ANK2: variants seen among roughly 807,000 people sequenced by gnomAD.
ANK2 encodes the protein ankyrin 2, also known as ankyrin-2.
A neutral mutation model predicts 360.5 loss-of-function variants in ANK2; 83 were observed. The ratio of observed to expected loss-of-function variants is 0.23; its 90% confidence interval spans 0.19 to 0.28. The LOEUF (loss-of-function observed/expected upper bound fraction) is 0.28, where lower values mean the gene tolerates loss of function less well. Among genes scored for constraint, ANK2 ranks in the 10% least tolerant of loss-of-function variants. ANK2 has a pLI of 1.00. For missense variants in ANK2, 4,201 were observed against 4,795.7 expected (o/e 0.88, Z 3.66); for synonymous variants, 1,740 against 1,759.5 (o/e 0.99, Z 0.28).
At chr4:113,135,908 A>G (rs73841237) in intron 1 of ANK2, among the ~76,000 whole-genome samples, 6,441 of 152,240 alleles carry the variant, frequency 0.042, 445 homozygotes, top group African/African-American at 0.14. Context: ...TGGATAAATG[A>G]CTGCAGATTG....
intron 1 of ANK2, among the ~76,000 whole-genome samples, chr4:112,873,029 T>C (rs1580202645): frequency 6.6e-6 from 1 of 152,296 alleles, no homozygotes; most frequent in East Asian, 1.9e-4. Context: ...TGTTTACTTA[T>C]AATCCATTTT....
At chr4:112,904,468 A>G (rs1437187144) in exon 2 of ANK2, 3 of 1,487,916 alleles carry the variant, frequency 2.0e-6, no homozygotes, top group Non-Finnish European at 1.8e-6. Context: ...AGTAATGAAA[A>G]GAGACATGAA....
chr4:113,279,475 G>A (rs1267103374), intron 17 of ANK2, among the ~76,000 whole-genome samples: 2 of 151,920 alleles, frequency 1.3e-5, no homozygotes, highest in Non-Finnish European at 1.5e-5. Flanking sequence ...ATAAGTGTTA[G>A]AGCTTGTACC....
chr4:113,285,375 C>G (rs976244630), intron 18 of ANK2, among the ~76,000 whole-genome samples: 1 of 152,184 alleles, frequency 6.6e-6, no homozygotes, highest in Non-Finnish European at 1.5e-5. Flanking sequence ...GCCCTCTGCA[C>G]AGACACCAAT....
the ANK2 span, among the ~76,000 whole-genome samples, chr4:112,785,292 TC>T: frequency 1.3e-5 from 2 of 152,218 alleles, no homozygotes; most frequent in Admixed American, 1.3e-4. Flanking sequence ...TAACAACCCT[TC>T]CAATGACCCT....
chr4:113,126,345 A>G (rs2095658384), intron 1 of ANK2, among the ~76,000 whole-genome samples: 1 of 152,242 alleles, frequency 6.6e-6, no homozygotes, highest in Non-Finnish European at 1.5e-5. Flanking sequence ...TGTACAGCTT[A>G]GTGAAAATAA....
At chr4:113,296,116 C>A (rs568690105) in intron 22 of ANK2, among the ~76,000 whole-genome samples, 1 of 152,176 alleles carries the variant, frequency 6.6e-6, no homozygotes, top group East Asian at 1.9e-4. Flanking sequence ...TTTTAAAGCC[C>A]ATGTTCTTAA....
In ANK2 at chr4:113,318,629, A is replaced by G. The variant is rs781245468; in HGVS notation, c.2900+9A>G. On this transcript the variant is annotated intron_variant, in intron 26 of 45. Transcript: ENST00000357077. Reference sequence around the variant, plus strand: ...AGTCCTATTCATTCAGGGTGAGTAAATCAATATTATGTATCCTGATCAAGA... The same window carrying G: ...AGTCCTATTCATTCAGGGTGAGTAAGTCAATATTATGTATCCTGATCAAGA... 1.3e-6 allele frequency: 2 copies of G among 1,591,384 alleles called. No homozygotes were observed. Among genetic ancestry groups the G allele is most frequent in the South Asian group, 2.2e-5 (2 of 89,434 alleles).
rs144919277 is a variant in ANK2, at chr4:113,299,502, C to T, written c.2476-3265C>T. The stretch of plus-strand genomic sequence containing the variant: ...GGTGGATCACCTGACGTCAAGTGTT[C>T]GAGACCAGCCAGGCCAACATGGTGA... On this transcript the variant is annotated intron_variant, in intron 22 of 45. Coordinates refer to ENST00000357077, the MANE Select transcript of ANK2 (RefSeq NM_001148.6). Among the ~76,000 whole-genome samples the T allele has an allele frequency of 1.1e-3, 161 of 152,108 alleles. 2 individuals carry two copies. The East Asian group carries it at 0.02, about 19-fold the overall frequency.
intron 2 of ANK2, among the ~76,000 whole-genome samples, chr4:113,191,619 G>A (rs1196187083): frequency 6.6e-6 from 1 of 152,196 alleles, no homozygotes; most frequent in Non-Finnish European, 1.5e-5. Flanking sequence ...AACATTGGCA[G>A]GGCTGTGGAT....
At chr4:113,221,116 G>A (rs1488290701) in intron 4 of ANK2, among the ~76,000 whole-genome samples, 1 of 152,142 alleles carries the variant, frequency 6.6e-6, no homozygotes, top group Admixed American at 6.5e-5. Flanking sequence ...ACAGAGGACT[G>A]GAGCCAGGCA....
intron 1 of ANK2, among the ~76,000 whole-genome samples, chr4:112,821,795 G>T (rs1407829163): frequency 3.4e-5 from 5 of 147,320 alleles, no homozygotes; most frequent in Non-Finnish European, 7.5e-5. Context: ...TTGAGAAAGG[G>T]TCTGTCTGTC....
chr4:113,021,621 A>C (rs187921357), intron 2 of ANK2, among the ~76,000 whole-genome samples: 7 of 145,420 alleles, frequency 4.8e-5, no homozygotes, highest in African/African-American at 1.8e-4. Flanking sequence ...CTGAGCCCCG[A>C]CACTGTCTTT....
At chr4:112,943,493 T>C (rs2094365668) in intron 2 of ANK2, among the ~76,000 whole-genome samples, 1 of 152,060 alleles carries the variant, frequency 6.6e-6, no homozygotes, top group Admixed American at 6.6e-5. Context: ...GTTAATTTTC[T>C]CTGTGGCTGT....
chr4:112,863,535 T>TC (rs1206189638), intron 1 of ANK2, among the ~76,000 whole-genome samples: 1 of 144,362 alleles, frequency 6.9e-6, no homozygotes, highest in East Asian at 2.0e-4. Flanking sequence ...TTTTTTTTTT[T>TC]TTTTTGAGAC....
chr4:112,721,527 G>A, the ANK2 span, among the ~76,000 whole-genome samples: 1 of 124,856 alleles, frequency 8.0e-6, no homozygotes, highest in Non-Finnish European at 1.6e-5. Flanking sequence ...GGGTGACAGA[G>A]CGAGACCCCA....
intron 4 of ANK2, among the ~76,000 whole-genome samples, chr4:113,216,759 A>G (rs1384222490): frequency 6.6e-6 from 1 of 152,202 alleles, no homozygotes; most frequent in African/African-American, 2.4e-5. Flanking sequence ...GGCAGAGCAT[A>G]CTTAGGTCCT....
chr4:112,929,935 C>T lies in ANK2; in HGVS notation c.21+25421C>T, dbSNP rs116082593. Among the ~76,000 whole-genome samples, 1,093 of 152,208 alleles carry T rather than the reference C, an allele frequency of 7.2e-3. 10 individuals are homozygous for T. Among genetic ancestry groups the T allele is most frequent in the African/African-American group, 0.025 (1,024 of 41,526 alleles). ...GCCCAGGTTACGAGTAGACATTACC[C>T]AGTTAGGAGACTGTGATAGGATCTG... is the stretch of plus-strand genomic sequence containing the variant. On this transcript the variant is annotated intron_variant, in intron 2 of 30. Coordinates refer to the ANK2 transcript ENST00000503271.
At chr4:113,258,686 A>G (rs77590519) in intron 13 of ANK2, among the ~76,000 whole-genome samples, 3 of 152,358 alleles carry the variant, frequency 2.0e-5, no homozygotes, top group African/African-American at 7.2e-5. Context: ...TCTTAAATGC[A>G]TTTATTAAAA....
Sources: gnomAD v4.1 joint callset for allele counts (sites outside exome capture counted in the v4.1 genomes callset) on GRCh38, gnomAD v4.1.1 for gene constraint, MANE v1.5 for transcripts, NCBI Gene and HGNC (gene_info 2026-07-23, HGNC 2026-07-21) for gene names.